Variants in ST14 observed in about 807,000 individuals in gnomAD.
ST14 encodes the protein ST14 transmembrane serine protease matriptase, also known as suppressor of tumorigenicity 14 protein.
A neutral mutation model predicts 96.5 loss-of-function variants in ST14; 40 were observed. The ratio of observed to expected loss-of-function variants is 0.41; its 90% CI spans 0.32 to 0.54. The LOEUF (loss-of-function observed/expected upper bound fraction) is 0.54, where lower values mean the gene tolerates loss of function less well. Ranked by LOEUF, ST14 falls within the 20% of genes least tolerant of loss-of-function variation. The pLI is 0.17. For synonymous variants in ST14, 506 were observed against 492.1 expected, an observed-to-expected ratio of 1.03 and a Z score of -0.37; for missense variants, 1,066 against 1,188.9, an observed-to-expected ratio of 0.90 and a Z score of 1.52.
Position 130,172,778 on chromosome 11 carries a change from G to A in ST14, c.81+12718G>A, listed in dbSNP as rs146186078. Among the ~76,000 whole-genome samples, 165 of 152,282 alleles carry A rather than the reference G, an allele frequency of 1.1e-3. 1 individual carries two copies. The highest frequency in any genetic ancestry group is 1.8e-3 in the Non-Finnish European group (122 of 68,018). The stretch of plus-strand genomic sequence containing the variant: ...CTGAGGACAGACAGTGGAGGAGTGT[G>A]TATGTCCTTGTCTGGCTGGATGCCG... On this transcript the variant is annotated intron_variant, in intron 1 of 18. Transcript: ENST00000278742.
chr11:130,176,816 T>C (rs947083704), intron 1 of ST14, among the ~76,000 whole-genome samples: 2 of 128,496 alleles, frequency 1.6e-5, no homozygotes, highest in African/African-American at 7.3e-5. Context: ...TTTTTTTTTT[T>C]GAGACGGAGT....
At chr11:130,199,388 C>T (rs1012473314) in intron 15 of ST14, among the ~76,000 whole-genome samples, 13 of 152,158 alleles carry the variant, frequency 8.5e-5, no homozygotes, top group African/African-American at 2.2e-4. Context: ...TGGAGAAGAG[C>T]GGCCCAGCTC....
rs190867621 is a variant in ST14 at position 130,195,658 on chromosome 11, G to C, written c.1114-681G>C. Reference sequence around the variant, plus strand: ...TCACGAGGTCAGGAGTTCGAGACCAGCCTGGGCAACATTGTGAAACCCTGT... The same window carrying C: ...TCACGAGGTCAGGAGTTCGAGACCACCCTGGGCAACATTGTGAAACCCTGT... On this transcript the variant is annotated intron_variant, in intron 9 of 18. Transcript: ENST00000278742. 1.9e-4 allele frequency among the ~76,000 whole-genome samples: 29 copies of C among 152,254 alleles called. No homozygotes were observed. The East Asian group carries it at 4.3e-3, about 22-fold the overall frequency.
chr11:130,194,419 C>A, intron 8 of ST14, 131 bp downstream of exon 8: 1 of 1,397,060 alleles, frequency 7.2e-7, no homozygotes, highest in Non-Finnish European at 9.9e-7. Context: ...AGGTCAGCAG[C>A]AGAGGCTGAA....
rs114479614 is a variant in ST14 at position 130,203,961 on chromosome 11, G to C, written c.1994+3824G>C. ...TGAGCCACCACGCCCGGCCACCTTT[G>C]TTCTCTTTAAACATGCGGCATTCTC... On this transcript the variant is annotated intron_variant, in intron 16 of 18. Coordinates refer to ENST00000278742, the MANE Select transcript of ST14 (RefSeq NM_021978.4). 1.3e-3 allele frequency among the ~76,000 whole-genome samples: 198 copies of C among 152,068 alleles called. 1 individual carries two copies. The highest frequency in any genetic ancestry group is 4.6e-3 in the African/African-American group (190 of 41,512).
At chr11:130,165,224 G>A (rs999456271) in intron 1 of ST14, among the ~76,000 whole-genome samples, 3 of 152,218 alleles carry the variant, frequency 2.0e-5, no homozygotes, top group Non-Finnish European at 4.4e-5. Flanking sequence ...GGTTCAGGAG[G>A]GGATGGAATA....
intron 9 of ST14, among the ~76,000 whole-genome samples, chr11:130,195,461 C>T (rs921846910): frequency 7.9e-5 from 12 of 152,044 alleles, no homozygotes; most frequent in African/African-American, 2.4e-4. Flanking sequence ...TCAGAGGCGC[C>T]GTCAGGAAGA....
At position 130,210,162 on chromosome 11, in the gene ST14, A is replaced by T. The variant is rs1256506323; in HGVS notation, c.*339A>T. On this transcript the variant is annotated 3_prime_UTR_variant, in exon 19 of 19. Coordinates refer to ENST00000278742, the MANE Select transcript of ST14 (RefSeq NM_021978.4). ...TGTCTCTAAGGAGCAGCGGGAACGG[A>T]GCTTCGGGGCCTCCTCAGTGAAGGT... The T allele has an allele frequency of 2.4e-5, 6 of 254,418 alleles. No individual in the cohort carries two copies. Among genetic ancestry groups the T allele is most frequent in the South Asian group, 1.2e-4 (2 of 16,078 alleles). The allele number at this position is 254,418 out of a possible 1,614,324, so 15.8% of individuals were successfully genotyped here.
chr11:130,178,895 G>C lies in ST14; in HGVS notation c.82-9219G>C, dbSNP rs1953165436. Among the ~76,000 whole-genome samples, 2 of 152,346 alleles carry C rather than the reference G, an allele frequency of 1.3e-5. 1 individual carries two copies. Among genetic ancestry groups the C allele is most frequent in the South Asian group, 4.1e-4 (2 of 4,832 alleles). On this transcript the variant is annotated intron_variant, in intron 1 of 18. Transcript: ENST00000278742. ...TGCAGCTGGCCCTGTGCTCTCCCAG[G>C]AGGAGCTGGAGTGTGTATTTCTGGG...
chr11:130,164,408 A>G (rs1261671802), intron 1 of ST14, among the ~76,000 whole-genome samples: 1 of 151,326 alleles, frequency 6.6e-6, no homozygotes, highest in African/African-American at 2.4e-5. Flanking sequence ...CTCAGAGACA[A>G]GTGTTGTTAT....
At chr11:130,201,167 C>A (rs1011585044) in intron 16 of ST14, among the ~76,000 whole-genome samples, 2 of 152,234 alleles carry the variant, frequency 1.3e-5, no homozygotes, top group Admixed American at 1.3e-4. Context: ...ACATGGGCAT[C>A]CCAGGAACAG....
At chr11:130,198,756 C>T in intron 14 of ST14, 135 bp downstream of exon 14, 2 of 1,379,732 alleles carry the variant, frequency 1.4e-6, no homozygotes, top group Non-Finnish European at 2.0e-6. Flanking sequence ...TGAGAAAGGG[C>T]TCTGGTTGGG....
intron 1 of ST14, among the ~76,000 whole-genome samples, chr11:130,170,680 C>T (rs553708972): frequency 3.3e-5 from 5 of 151,974 alleles, no homozygotes; most frequent in Non-Finnish European, 7.4e-5. Flanking sequence ...CTCTTGGTTC[C>T]TAACAGGCTT....
rs768216252 is a variant in ST14 at position 130,188,221 on chromosome 11, C to G, written c.189C>G (p.Ile63Met). The G allele has an allele frequency of 1.3e-5, 21 of 1,614,146 alleles. No homozygotes were observed. The highest frequency in any genetic ancestry group is 1.8e-5 in the Non-Finnish European group (21 of 1,179,998). ...GGGTGGTGCTGGCAGCCGTGCTGAT[C>G]GGCCTCCTCTTGGTCTTGCTGGGGA... ...GRWVVLAAVL[I>M]GLLLVLLGIG... The change falls in exon 2 of 19, where the codon ATC becomes ATG. Residue 63 changes from isoleucine (I) to methionine (M), a missense_variant. Transcript: ENST00000278742. The surrounding 1 kb of genome is among the most constrained non-coding windows in gnomAD (Gnocchi z 5.4).
intron 16 of ST14, among the ~76,000 whole-genome samples, chr11:130,201,196 C>T (rs184420193): frequency 7.3e-4 from 111 of 152,352 alleles, no homozygotes; most frequent in South Asian, 6.0e-3. Context: ...TGCCGGGCTG[C>T]GCTATTTGTG....
intron 7 of ST14, among the ~76,000 whole-genome samples, chr11:130,192,089 G>T (rs543593816): frequency 1.3e-5 from 2 of 152,320 alleles, no homozygotes; most frequent in African/African-American, 4.8e-5. Flanking sequence ...GGCGTACCTC[G>T]CAGAGGTGCT....
chr11:130,189,674 G>T (rs180802472), intron 4 of ST14, 65 bp from the exon 5 acceptor site: 1 of 1,595,228 alleles, frequency 6.3e-7, no homozygotes. Context: ...TCCTGGAGTC[G>T]CTCTGGGCGC....
rs755918142 is a variant in ST14, at chr11:130,194,636, T to C, written c.1016-4T>C. 6.2e-7 allele frequency: 1 copy of C among 1,614,114 alleles called. No individual in the cohort carries two copies. The highest frequency in any genetic ancestry group is 8.5e-7 in the Non-Finnish European group (1 of 1,179,990). ...CTCTTGCTTTCTCCCACCTTCCCTC[T>C]CAGGCTGTGGAGGCCGCTTACGTAA... On this transcript the variant is annotated splice_polypyrimidine_tract_variant and splice_region_variant and intron_variant, in intron 8 of 18. Transcript: ENST00000278742.
At chr11:130,190,768 A>C in intron 7 of ST14, 74 bp downstream of exon 7, 1 of 1,483,624 alleles carries the variant, frequency 6.7e-7, no homozygotes. Flanking sequence ...TTCTTCAACG[A>C]TTGGGATACA....
Sources: allele counts gnomAD v4.1 joint callset (sites outside exome capture counted in the v4.1 genomes callset), GRCh38; gene constraint gnomAD v4.1.1; non-coding constraint Gnocchi (gnomAD v3.1); transcripts MANE v1.5; gene names NCBI Gene and HGNC (gene_info 2026-07-23, HGNC 2026-07-21).